Variants in TMEM39A observed in about 807,000 individuals in gnomAD.
The protein encoded by TMEM39A is transmembrane protein 39A.
In TMEM39A, 19 loss-of-function variants were observed where a neutral mutation model predicts 51.9. That is an observed-to-expected ratio of 0.37 (90% CI 0.26 to 0.54). The LOEUF (loss-of-function observed/expected upper bound fraction) is 0.54. Among genes scored for constraint, TMEM39A ranks in the 20% least tolerant of loss-of-function variants. The pLI, the probability that TMEM39A is intolerant of heterozygous loss-of-function variation, is 0.88. For synonymous variants in TMEM39A, 197 were observed against 220.2 expected, an observed-to-expected ratio of 0.89 and a Z score of 0.93; for missense variants, 433 against 590.5, an observed-to-expected ratio of 0.73 and a Z score of 2.76.
rs115627230 is a variant in TMEM39A, at chr3:119,442,170, G to A, written c.576-4067C>T. 4.7e-3 allele frequency among the ~76,000 whole-genome samples: 709 copies of A among 151,954 alleles called. 3 individuals carry two copies. The highest frequency in any genetic ancestry group is 7.3e-3 in the Non-Finnish European group (493 of 67,934). Reference sequence around the variant, plus strand: ...AGCATGGCCAACATAGCGAAACCCCGACTCTACTAAAAATCCAAAGAAATT... The same window carrying A: ...AGCATGGCCAACATAGCGAAACCCCAACTCTACTAAAAATCCAAAGAAATT... On this transcript the variant is annotated intron_variant, in intron 5 of 8. Transcript: ENST00000319172.
chr3:119,450,573 G>T (rs2081184574), intron 4 of TMEM39A, among the ~76,000 whole-genome samples: 1 of 152,148 alleles, frequency 6.6e-6, no homozygotes, highest in South Asian at 2.1e-4. Context: ...CGTAATCCCA[G>T]CACTTTGGGA....
intron 3 of TMEM39A, among the ~76,000 whole-genome samples, chr3:119,457,219 A>T (rs566145166): frequency 4.0e-5 from 6 of 149,896 alleles, no homozygotes; most frequent in Admixed American, 3.3e-4. Flanking sequence ...ATCCGCCCGC[A>T]TTAGCCTCCC....
At chr3:119,462,893 GAA>G (rs34748121) in intron 1 of TMEM39A, among the ~76,000 whole-genome samples, 2 of 142,396 alleles carry the variant, frequency 1.4e-5, no homozygotes, top group Admixed American at 7.0e-5. Flanking sequence ...ATCCTCACTG[GAA>G]AAAAAAAAAA....
rs560582492 is a variant in TMEM39A, at chr3:119,431,109, G to A, written c.*872C>T. ...CTCCAAACATAACGCCATTGTAGGT[G>A]GGTTGCTGCTAGACTACATCCAAGA... On this transcript the variant is annotated 3_prime_UTR_variant, in exon 9 of 9. Transcript: ENST00000319172. The A allele has an allele frequency of 9.2e-5, 14 of 152,142 alleles. No homozygotes were observed. The South Asian group carries it at 2.9e-3, about 32-fold the overall frequency. The allele number at this position is 152,142 out of a possible 1,614,324, so 9.4% of individuals were successfully genotyped here. A position where few individuals can be genotyped will look rare whatever the true frequency, so the allele number is the denominator to read the frequency against.
intron 5 of TMEM39A, among the ~76,000 whole-genome samples, chr3:119,442,267 T>G (rs2081064051): frequency 6.7e-6 from 1 of 149,462 alleles, no homozygotes; most frequent in Non-Finnish European, 1.5e-5. Context: ...CACTTGAACC[T>G]GGGAGGCAGA....
chr3:119,437,166 T>C (rs2080980828), intron 6 of TMEM39A, among the ~76,000 whole-genome samples, 188 bp from the exon 7 acceptor site: 1 of 152,158 alleles, frequency 6.6e-6, no homozygotes, highest in African/African-American at 2.4e-5. Flanking sequence ...TTTCTGGCTG[T>C]ATGAGTTAGG....
At chr3:119,441,411 A>G (rs913098724) in intron 5 of TMEM39A, among the ~76,000 whole-genome samples, 1 of 152,216 alleles carries the variant, frequency 6.6e-6, no homozygotes, top group Non-Finnish European at 1.5e-5. Context: ...CTCACTGCTG[A>G]TATGGAGAAA....
chr3:119,445,673 T>TGAAGTATTGAGGAG (rs1453734964), intron 5 of TMEM39A, among the ~76,000 whole-genome samples: 1 of 152,210 alleles, frequency 6.6e-6, no homozygotes, highest in Admixed American at 6.5e-5. Context: ...GGAAGCAAAC[T>TGAAGTATTGAGGAG]GAGGTCTGAA....
chr3:119,451,391 T>A lies in TMEM39A; in HGVS notation c.420+1056A>T, dbSNP rs141911754. On this transcript the variant is annotated intron_variant, in intron 4 of 8. Transcript: ENST00000319172. ...ATTATAGTAACTATTCATTTAAAAT[T>A]TCACACTGAATTATAAGTTCCAAGA... The A allele has an allele frequency of 4.1e-5, 36 of 873,730 alleles. No individual in the cohort carries two copies. The East Asian group carries it at 1.6e-3, about 39-fold the overall frequency. The allele number at this position is 873,730 out of a possible 1,614,324, so 54.1% of individuals were successfully genotyped here. A position where few individuals can be genotyped will look rare whatever the true frequency, so the allele number is the denominator to read the frequency against.
chr3:119,455,993 G>C (rs1420134321), intron 3 of TMEM39A, among the ~76,000 whole-genome samples: 2 of 152,204 alleles, frequency 1.3e-5, no homozygotes, highest in East Asian at 3.9e-4. Context: ...TAAAATGGGA[G>C]TCATATAATG....
intron 2 of TMEM39A, among the ~76,000 whole-genome samples, chr3:119,460,327 G>C (rs1378554486): frequency 4.6e-5 from 7 of 152,018 alleles, no homozygotes; most frequent in Non-Finnish European, 1.0e-4. Flanking sequence ...ACCCAGTCAA[G>C]AGCCGAGGTA....
At chr3:119,432,516 T>G (rs1030687221) in intron 8 of TMEM39A, among the ~76,000 whole-genome samples, 1 of 152,094 alleles carries the variant, frequency 6.6e-6, no homozygotes, top group Non-Finnish European at 1.5e-5. Flanking sequence ...AGGTATATAT[T>G]TTATTTAGGA....
intron 4 of TMEM39A, among the ~76,000 whole-genome samples, chr3:119,449,804 A>G (rs1423879477): frequency 1.3e-5 from 2 of 152,148 alleles, no homozygotes; most frequent in Non-Finnish European, 1.5e-5. Flanking sequence ...ATTTATTTCT[A>G]GTCTTGTGAA....
At chr3:119,461,135 C>T (rs555534554) in intron 2 of TMEM39A, among the ~76,000 whole-genome samples, 1 of 152,226 alleles carries the variant, frequency 6.6e-6, no homozygotes, top group East Asian at 1.9e-4. Context: ...AAACTAGTTA[C>T]TCTGTATACA....
intron 8 of TMEM39A, among the ~76,000 whole-genome samples, chr3:119,433,281 T>C (rs1299855773): frequency 6.6e-6 from 1 of 152,188 alleles, no homozygotes; most frequent in Non-Finnish European, 1.5e-5. Context: ...AATGACTGTT[T>C]TGAAACTTCA....
chr3:119,457,994 A>G (rs1169848669), intron 3 of TMEM39A, 24 bp downstream of exon 3: 1 of 1,562,812 alleles, frequency 6.4e-7, no homozygotes, highest in East Asian at 2.3e-5. Context: ...AACATGAAGA[A>G]CTTAAAGTCT....
chr3:119,441,567 G>A (rs1003758572), intron 5 of TMEM39A, among the ~76,000 whole-genome samples: 9 of 152,306 alleles, frequency 5.9e-5, no homozygotes, highest in East Asian at 1.9e-4. Flanking sequence ...GGTTAACAGC[G>A]GTTAGTTCGT....
intron 5 of TMEM39A, among the ~76,000 whole-genome samples, chr3:119,445,811 T>C (rs2081117306): frequency 6.6e-6 from 1 of 152,236 alleles, no homozygotes. Context: ...AGGATTACAC[T>C]GGTGATAGCT....
intron 1 of TMEM39A, among the ~76,000 whole-genome samples, chr3:119,463,103 T>C (rs1220907198): frequency 6.6e-6 from 1 of 152,208 alleles, no homozygotes; most frequent in Non-Finnish European, 1.5e-5. Context: ...ATGCAGGGGC[T>C]GCTGGTCCTT....
Sources: allele counts gnomAD v4.1 joint callset (sites outside exome capture counted in the v4.1 genomes callset), GRCh38; gene constraint gnomAD v4.1.1; transcripts MANE v1.5; gene names NCBI Gene and HGNC (gene_info 2026-07-23, HGNC 2026-07-21).